Variants in PPP2R2B observed in about 807,000 individuals in gnomAD.
PPP2R2B encodes serine/threonine-protein phosphatase 2A 55 kDa regulatory subunit B beta isoform.
Under a neutral mutation model 46.0 loss-of-function variants are expected in PPP2R2B, and 5 were observed. The ratio of observed to expected loss-of-function variants is 0.11; its 90% CI spans 0.06 to 0.23. The LOEUF is 0.23. Among genes scored for constraint, PPP2R2B ranks in the 10% least tolerant of loss-of-function variants. PPP2R2B has a pLI of 1.00. For missense variants in PPP2R2B, 367 were observed against 575.0 expected, an observed-to-expected ratio of 0.64 and a Z score of 3.70; for synonymous variants, 215 against 206.7, an observed-to-expected ratio of 1.04 and a Z score of -0.34.
intron 1 of PPP2R2B, among the ~76,000 whole-genome samples, chr5:147,034,692 A>G (rs1212027378): frequency 6.6e-6 from 1 of 152,084 alleles, no homozygotes; most frequent in East Asian, 1.9e-4. Context: ...TTGATCTTTT[A>G]TTCCTGTCAA....
In PPP2R2B at chr5:146,889,638, ATC is replaced by A. The variant is rs200580726; in HGVS notation, c.79+166025_79+166026del. Among the ~76,000 whole-genome samples the A allele has an allele frequency of 6.4e-3, 976 of 152,300 alleles. 11 individuals carry two copies. Among genetic ancestry groups the A allele is most frequent in the African/African-American group, 0.022 (933 of 41,552 alleles). On this transcript the variant is annotated intron_variant, in intron 1 of 8. Coordinates refer to the PPP2R2B transcript ENST00000336640. ...AACTCTCCCAGGCTTTGCCTTATGCATCTCTTTCTTTGGTTTATTTTAATCTG... is the reference window on the plus strand; with the variant it reads ...AACTCTCCCAGGCTTTGCCTTATGCATCTTTCTTTGGTTTATTTTAATCTG...
At chr5:146,792,118 CAG>C (rs1756239395) in intron 2 of PPP2R2B, among the ~76,000 whole-genome samples, 1 of 152,176 alleles carries the variant, frequency 6.6e-6, no homozygotes, top group East Asian at 1.9e-4. Context: ...ACATAGAAAG[CAG>C]AGGACAGAGA....
intron 1 of PPP2R2B, among the ~76,000 whole-genome samples, chr5:146,962,229 A>G (rs1349091071): frequency 1.3e-5 from 2 of 150,258 alleles, no homozygotes; most frequent in East Asian, 3.9e-4. Flanking sequence ...GGTCAGTTCA[A>G]ATTGATCATG....
chr5:146,741,254 T>C (rs1031712128), intron 2 of PPP2R2B, among the ~76,000 whole-genome samples: 8 of 152,204 alleles, frequency 5.3e-5, no homozygotes, highest in African/African-American at 1.9e-4. Flanking sequence ...CATGTACATA[T>C]GTGCCTTGGA....
At chr5:146,995,390 TG>T (rs1186830966) in intron 1 of PPP2R2B, among the ~76,000 whole-genome samples, 3 of 152,162 alleles carry the variant, frequency 2.0e-5, no homozygotes, top group African/African-American at 7.2e-5. Context: ...GTGTTGAGGC[TG>T]GGGCCACAAG....
intron 2 of PPP2R2B, among the ~76,000 whole-genome samples, chr5:146,842,060 C>T (rs1759683073): frequency 6.6e-6 from 1 of 152,196 alleles, no homozygotes; most frequent in African/African-American, 2.4e-5. Flanking sequence ...AGCCACATCA[C>T]TGTGAAGCCA....
chr5:146,822,535 G>GTTTTTTTT (rs368081191), intron 2 of PPP2R2B, among the ~76,000 whole-genome samples: 10 of 125,284 alleles, frequency 8.0e-5, no homozygotes, highest in Non-Finnish European at 8.7e-5. Context: ...TTCATTTTTG[G>GTTTTTTTT]TTTTTTTTTT....
At chr5:146,896,781 T>C (rs969980311) in intron 1 of PPP2R2B, among the ~76,000 whole-genome samples, 2 of 151,928 alleles carry the variant, frequency 1.3e-5, no homozygotes, top group Non-Finnish European at 2.9e-5. Flanking sequence ...TTTAAAGGCG[T>C]TAGTGGGGGT....
At chr5:146,842,401 T>C (rs1217296510) in intron 2 of PPP2R2B, among the ~76,000 whole-genome samples, 2 of 151,666 alleles carry the variant, frequency 1.3e-5, no homozygotes, top group African/African-American at 4.8e-5. Context: ...ATTTATTTCA[T>C]TTCCAAATAA....
At chr5:146,704,633 C>T (rs1034996139) in intron 2 of PPP2R2B, among the ~76,000 whole-genome samples, 3 of 152,166 alleles carry the variant, frequency 2.0e-5, no homozygotes, top group Non-Finnish European at 2.9e-5. Context: ...TGAAGTTTGC[C>T]TTGCTCCAAA....
At chr5:146,659,331 G>T (rs1776540844) in intron 5 of PPP2R2B, among the ~76,000 whole-genome samples, 1 of 152,190 alleles carries the variant, frequency 6.6e-6, no homozygotes, top group South Asian at 2.1e-4. Flanking sequence ...AAAAGCTCAG[G>T]AAAGTACATA....
intron 2 of PPP2R2B, among the ~76,000 whole-genome samples, chr5:146,717,012 T>G (rs1780536295): frequency 6.6e-6 from 1 of 152,242 alleles, no homozygotes; most frequent in Non-Finnish European, 1.5e-5. Flanking sequence ...CATAAATGGT[T>G]CACAACTGGA....
chr5:146,618,991 C>T (rs1051339673), intron 7 of PPP2R2B, among the ~76,000 whole-genome samples: 2 of 152,180 alleles, frequency 1.3e-5, no homozygotes, highest in Non-Finnish European at 2.9e-5. Flanking sequence ...AACAGTCCTA[C>T]CCCCTTGTCC....
rs367797913 is a variant in PPP2R2B, at chr5:146,990,848, A to G, written c.79+64817T>C. 9.9e-5 allele frequency among the ~76,000 whole-genome samples: 15 copies of G among 152,228 alleles called. No homozygotes were observed. The South Asian group carries it at 3.1e-3, about 32-fold the overall frequency. The stretch of plus-strand genomic sequence containing the variant: ...TTATTCAGAATATATAAGAAACTCA[A>G]TGATTCAATAGCAAAAAAAGAAAGA... On this transcript the variant is annotated intron_variant, in intron 1 of 8. Coordinates refer to the PPP2R2B transcript ENST00000336640.
intron 7 of PPP2R2B, among the ~76,000 whole-genome samples, chr5:146,602,620 T>A (rs1430286054): frequency 6.6e-6 from 1 of 152,244 alleles, no homozygotes; most frequent in Non-Finnish European, 1.5e-5. Flanking sequence ...TAATGAATTC[T>A]ATATAAAGAA....
intron 1 of PPP2R2B, among the ~76,000 whole-genome samples, chr5:147,044,185 T>C (rs1238699702): frequency 2.6e-5 from 4 of 152,118 alleles, no homozygotes; most frequent in African/African-American, 9.7e-5. Context: ...CATTCTCATG[T>C]TGAGTTTTCA....
chr5:146,867,165 G>A (rs1761359718), intron 2 of PPP2R2B, among the ~76,000 whole-genome samples: 1 of 152,194 alleles, frequency 6.6e-6, no homozygotes, highest in Admixed American at 6.5e-5. Flanking sequence ...CAAATTAAAA[G>A]TAGGAGATAT....
At position 146,878,396 on chromosome 5, in the gene PPP2R2B, G is replaced by C. The variant is rs1268095911; in HGVS notation, c.-125+195C>G. On this transcript the variant is annotated intron_variant, in intron 1 of 9. Transcript: ENST00000394411. The surrounding 1 kb of genome is among the most constrained non-coding windows in gnomAD (Gnocchi z 4.5). ...GATACGCCGTGCCCCGAGGGGTCTG[G>C]TCCCGCCCGCCCGCCCCGGAGGCGC... 1.4e-6 allele frequency: 2 copies of C among 1,420,760 alleles called. No individual in the cohort carries two copies. Among genetic ancestry groups the C allele is most frequent in the Admixed American group, 5.8e-5 (2 of 34,410 alleles). The allele number at this position is 1,420,760 out of a possible 1,614,324, so 88.0% of individuals were successfully genotyped here.
intron 2 of PPP2R2B, among the ~76,000 whole-genome samples, chr5:146,710,152 G>A (rs144115174): frequency 6.6e-6 from 1 of 152,234 alleles, no homozygotes; most frequent in East Asian, 1.9e-4. Flanking sequence ...CAGCTTACTG[G>A]GATAGAATGC....
Sources: gnomAD v4.1 joint callset for allele counts (sites outside exome capture counted in the v4.1 genomes callset) on GRCh38, gnomAD v4.1.1 for gene constraint, Gnocchi (gnomAD v3.1) non-coding constraint, MANE v1.5 for transcripts, NCBI Gene and HGNC (gene_info 2026-07-23, HGNC 2026-07-21) for gene names.